NMS: variants seen among roughly 807,000 people sequenced by gnomAD.
NMS encodes the protein neuromedin-S.
In NMS, 30 loss-of-function variants were observed where a neutral mutation model predicts 32.2. The observed-to-expected ratio is 0.93, with a 90% CI of 0.70 to 1.26. The LOEUF (loss-of-function observed/expected upper bound fraction) is 1.26. Among genes scored for constraint, NMS ranks in the 50% most tolerant of loss-of-function variants. The pLI is 0.00. For synonymous variants in NMS, 76 were observed against 58.5 expected (o/e 1.30, Z -1.37); for missense variants, 190 against 186.3 (o/e 1.02, Z -0.12).
intron 5 of NMS, among the ~76,000 whole-genome samples, chr2:100,478,111 G>A (rs868711097): frequency 7.9e-5 from 12 of 152,054 alleles, no homozygotes; most frequent in African/African-American, 1.4e-4. Flanking sequence ...ACAGGCATGC[G>A]CCACCATGCC....
chr2:100,470,610 T>A, intron 1 of NMS, 46 bp downstream of exon 1: 2 of 1,456,428 alleles, frequency 1.4e-6, no homozygotes, highest in Non-Finnish European at 1.9e-6. Flanking sequence ...ACTCTGAGGA[T>A]GTCTGAGACA....
At chr2:100,480,640 C>A in intron 7 of NMS, 109 bp downstream of exon 7, 1 of 1,056,804 alleles carries the variant, frequency 9.5e-7, no homozygotes. Flanking sequence ...CAGTTCTGGG[C>A]AGAGCTGGTC....
intron 8 of NMS, among the ~76,000 whole-genome samples, chr2:100,482,030 G>A (rs182926065): frequency 1.1e-3 from 161 of 152,304 alleles, no homozygotes; most frequent in Non-Finnish European, 1.9e-3. Flanking sequence ...AAGACTAAAG[G>A]GGGGGGATGA....
At chr2:100,481,230 G>A in intron 8 of NMS, 63 bp downstream of exon 8, 1 of 1,492,894 alleles carries the variant, frequency 6.7e-7, no homozygotes, top group Non-Finnish European at 9.4e-7. Flanking sequence ...CCCAATCATG[G>A]AGTGACTGCA....
chr2:100,475,998 C>T (rs75065169), intron 3 of NMS, among the ~76,000 whole-genome samples: 1 of 80,614 alleles, frequency 1.2e-5, no homozygotes, highest in Non-Finnish European at 2.5e-5. Flanking sequence ...GACCCTATCT[C>T]CAAAAAAAAA....
chr2:100,475,164 G>A (rs773671219), intron 3 of NMS, among the ~76,000 whole-genome samples: 2 of 152,144 alleles, frequency 1.3e-5, no homozygotes, highest in African/African-American at 2.4e-5. Context: ...GAAGAGCAAG[G>A]GGTCACTCAG....
chr2:100,479,385 T>A lies in NMS; in HGVS notation c.294T>A (p.Ala98=), dbSNP rs748242006. The change falls in exon 6 of 10, where the codon GCT becomes GCA. Residue 98 remains alanine, a synonymous_variant. Transcript: ENST00000376865. ...FPPVHPLMHL[A]AKLANRRMKR... ...CAGTGCATCCTCTAATGCACCTGGC[T>A]GCCAAGCTCGCCAACAGGCGGATGA... 1 of 1,611,566 alleles carries A rather than the reference T, an allele frequency of 6.2e-7. No homozygotes were observed. Among genetic ancestry groups the A allele is most frequent in the Non-Finnish European group, 8.5e-7 (1 of 1,178,896 alleles).
intron 1 of NMS, 32 bp from the exon 2 acceptor site, chr2:100,472,758 TTTCTC>T (rs1677026172): frequency 2.2e-6 from 3 of 1,384,608 alleles, no homozygotes; most frequent in African/African-American, 1.4e-5. Context: ...TATGACCTCT[TTTCTC>T]TAATTAATAA....
At chr2:100,472,984 A>C (rs1370339819) in intron 2 of NMS, 134 bp downstream of exon 2, 1 of 561,962 alleles carries the variant, frequency 1.8e-6, no homozygotes, top group Non-Finnish European at 3.2e-6. Flanking sequence ...GCCATTTTTC[A>C]TGGCCTCATT....
intron 5 of NMS, among the ~76,000 whole-genome samples, chr2:100,477,862 C>T (rs1352576056): frequency 6.6e-6 from 1 of 152,160 alleles, no homozygotes; most frequent in African/African-American, 2.4e-5. Context: ...TAGAAACCAT[C>T]ACCTCTTAAT....
At chr2:100,476,988 G>A (rs771478597) in intron 3 of NMS, among the ~76,000 whole-genome samples, 7 of 152,010 alleles carry the variant, frequency 4.6e-5, no homozygotes, top group African/African-American at 1.2e-4. Flanking sequence ...TCCTCCCCAC[G>A]CCCTGCAAAC....
At chr2:100,470,763 A>T (rs796664919) in intron 1 of NMS, among the ~76,000 whole-genome samples, 199 bp downstream of exon 1, 20 of 152,298 alleles carry the variant, frequency 1.3e-4, no homozygotes, top group African/African-American at 4.8e-4. Context: ...ACTAAAGGAG[A>T]CTTTTCCCTG....
chr2:100,471,024 C>T (rs1676998291), intron 1 of NMS, among the ~76,000 whole-genome samples: 1 of 152,202 alleles, frequency 6.6e-6, no homozygotes, highest in African/African-American at 2.4e-5. Flanking sequence ...CTTTCCCAAG[C>T]CTTTCCATTG....
At chr2:100,479,923 A>G (rs1318870296) in intron 6 of NMS, among the ~76,000 whole-genome samples, 2 of 152,240 alleles carry the variant, frequency 1.3e-5, no homozygotes, top group East Asian at 3.9e-4. Flanking sequence ...AAATAAATAA[A>G]CAAATAGCAA....
rs7563037 is a variant in NMS at position 100,483,205 on chromosome 2, C to T, written c.450-47C>T. On this transcript the variant is annotated intron_variant, in intron 9 of 9. Transcript: ENST00000376865. Reference sequence around the variant, plus strand: ...CTGCCCATGGGCTTTGTCTTGATTCCGAGAATGATTTGAACTGAGCAGTGC... The same window carrying T: ...CTGCCCATGGGCTTTGTCTTGATTCTGAGAATGATTTGAACTGAGCAGTGC... 11,288 of 1,574,026 alleles carry T rather than the reference C, an allele frequency of 7.2e-3. 640 individuals are homozygous for T. The African/African-American group carries it at 0.13, about 18-fold the overall frequency.
At chr2:100,478,611 C>A (rs979924528) in intron 5 of NMS, among the ~76,000 whole-genome samples, 2 of 152,090 alleles carry the variant, frequency 1.3e-5, no homozygotes, top group Non-Finnish European at 2.9e-5. Context: ...ACTACAAGCA[C>A]GTGCCACCAC....
intron 3 of NMS, among the ~76,000 whole-genome samples, chr2:100,476,353 C>G (rs1386610281): frequency 1.3e-5 from 2 of 152,074 alleles, no homozygotes; most frequent in Non-Finnish European, 2.9e-5. Flanking sequence ...CAGTGTGTGT[C>G]TGTGTGTGTG....
At chr2:100,483,230 C>T in intron 9 of NMS, 22 bp from the exon 10 acceptor site, 1 of 1,609,100 alleles carries the variant, frequency 6.2e-7, no homozygotes, top group Non-Finnish European at 8.5e-7. Flanking sequence ...CTGAGCAGTG[C>T]ATTTTTCTTT....
chr2:100,477,823 G>T (rs1243145183), intron 5 of NMS, among the ~76,000 whole-genome samples: 2 of 152,104 alleles, frequency 1.3e-5, no homozygotes, highest in Non-Finnish European at 2.9e-5. Flanking sequence ...ATCTTCCGTG[G>T]CTGTCGCGAT....
Sources: allele counts gnomAD v4.1 joint callset (sites outside exome capture counted in the v4.1 genomes callset), GRCh38; gene constraint gnomAD v4.1.1; transcripts MANE v1.5; gene names NCBI Gene and HGNC (gene_info 2026-07-23, HGNC 2026-07-21).